The following RALYL variants were observed in gnomAD, a reference collection of about 807,000 sequenced individuals.
RALYL encodes the protein RALY RNA binding protein like.
A neutral mutation model predicts 35.1 loss-of-function variants in RALYL; 29 were observed. That is an observed-to-expected ratio of 0.83 (90% CI 0.61 to 1.13). The LOEUF is 1.13. RALYL is among the 50% of genes most tolerant of loss of function. The probability of loss-of-function intolerance (pLI) is 0.00; values close to 1 mark genes in which losing one functional copy is unlikely to be tolerated. For synonymous variants in RALYL, 120 were observed against 127.6 expected (o/e 0.94, Z 0.40); for missense variants, 359 against 360.4 (o/e 1.00, Z 0.03).
chr8:84,544,440 C>G (rs2060223348), intron 2 of RALYL, among the ~76,000 whole-genome samples: 1 of 151,642 alleles, frequency 6.6e-6, no homozygotes, highest in African/African-American at 2.4e-5. Context: ...TTTTATTTGT[C>G]TTTTCTTGTA....
At chr8:84,233,508 A>G (rs1179643114) in intron 1 of RALYL, among the ~76,000 whole-genome samples, 4 of 152,168 alleles carry the variant, frequency 2.6e-5, no homozygotes, top group Non-Finnish European at 5.9e-5. Context: ...GGTGCTGAGT[A>G]GACTTGGAAT....
chr8:84,276,935 T>C (rs185916675), intron 1 of RALYL, among the ~76,000 whole-genome samples: 1 of 152,358 alleles, frequency 6.6e-6, no homozygotes. Flanking sequence ...ATGTCAGGGA[T>C]AATCAAAAAA....
At chr8:84,271,968 G>A (rs1834388409) in intron 1 of RALYL, among the ~76,000 whole-genome samples, 1 of 152,036 alleles carries the variant, frequency 6.6e-6, no homozygotes, top group Admixed American at 6.6e-5. Context: ...TGAATTTTCT[G>A]GTAGTAAATT....
intron 1 of RALYL, among the ~76,000 whole-genome samples, chr8:84,219,766 A>T (rs1328558514): frequency 2.0e-5 from 3 of 152,054 alleles, no homozygotes; most frequent in African/African-American, 7.2e-5. Flanking sequence ...ACTGGGTCTA[A>T]CAGGATAGTA....
intron 1 of RALYL, among the ~76,000 whole-genome samples, chr8:84,253,688 T>A (rs1209387373): frequency 1.3e-5 from 2 of 152,170 alleles, no homozygotes; most frequent in African/African-American, 4.8e-5. Context: ...TCATCCTTTT[T>A]GGATCTTGTT....
intron 2 of RALYL, among the ~76,000 whole-genome samples, chr8:84,728,606 AG>A (rs1845483427): frequency 6.6e-6 from 1 of 152,114 alleles, no homozygotes; most frequent in Non-Finnish European, 1.5e-5. Flanking sequence ...TTATGGTTTT[AG>A]GTGTGAGGTT....
intron 1 of RALYL, among the ~76,000 whole-genome samples, chr8:84,291,457 G>A (rs1434381567): frequency 2.6e-5 from 4 of 152,050 alleles, no homozygotes; most frequent in East Asian, 3.9e-4. Flanking sequence ...TACAATATAT[G>A]TTGTCAATAA....
intron 1 of RALYL, among the ~76,000 whole-genome samples, chr8:84,321,473 T>C (rs1257388626): frequency 6.6e-6 from 1 of 152,084 alleles, no homozygotes; most frequent in East Asian, 1.9e-4. Flanking sequence ...TGCTAGAGCC[T>C]ATGGAATAAC....
intron 2 of RALYL, among the ~76,000 whole-genome samples, chr8:84,768,594 G>A (rs923454349): frequency 2.0e-5 from 3 of 152,262 alleles, no homozygotes; most frequent in African/African-American, 4.8e-5. Context: ...AGTTCAAAAC[G>A]CTATAAATTG....
intron 2 of RALYL, among the ~76,000 whole-genome samples, chr8:84,587,091 C>G (rs751758481): frequency 1.6e-4 from 24 of 152,176 alleles, no homozygotes; most frequent in Non-Finnish European, 3.1e-4. Context: ...CAGTTAAATA[C>G]AGCTAGAACA....
At chr8:84,755,065 G>C (rs938030521) in intron 2 of RALYL, among the ~76,000 whole-genome samples, 1 of 152,100 alleles carries the variant, frequency 6.6e-6, no homozygotes, top group African/African-American at 2.4e-5. Context: ...TGATGCTTAG[G>C]TGCTATGGAG....
intron 1 of RALYL, among the ~76,000 whole-genome samples, chr8:84,278,828 T>C (rs1488372408): frequency 2.0e-5 from 3 of 152,196 alleles, no homozygotes; most frequent in East Asian, 1.9e-4. Context: ...AACAAGTCTC[T>C]AGGAAGTTAC....
At chr8:84,555,548 C>T (rs774634796) in intron 2 of RALYL, among the ~76,000 whole-genome samples, 9 of 152,150 alleles carry the variant, frequency 5.9e-5, no homozygotes, top group Non-Finnish European at 1.3e-4. Flanking sequence ...CTTTCACTAA[C>T]TGGTACAACT....
At chr8:84,311,224 T>C (rs981604433) in intron 1 of RALYL, among the ~76,000 whole-genome samples, 7 of 151,626 alleles carry the variant, frequency 4.6e-5, no homozygotes, top group African/African-American at 1.5e-4. Flanking sequence ...AAAAGTCCCA[T>C]TGAATTCAGA....
chr8:84,706,698 A>G (rs1279237229), intron 2 of RALYL, among the ~76,000 whole-genome samples: 1 of 152,178 alleles, frequency 6.6e-6, no homozygotes, highest in Non-Finnish European at 1.5e-5. Flanking sequence ...ACCCTGGCGT[A>G]AAGTCCAGAA....
chr8:84,422,384 C>T (rs916274100), intron 1 of RALYL, among the ~76,000 whole-genome samples: 6 of 131,872 alleles, frequency 4.5e-5, no homozygotes, highest in African/African-American at 1.9e-4. Flanking sequence ...TCTGTGGGAT[C>T]GGTGGTGATA....
chr8:84,667,467 T>G (rs1396420621), intron 2 of RALYL, among the ~76,000 whole-genome samples: 1 of 152,150 alleles, frequency 6.6e-6, no homozygotes, highest in Non-Finnish European at 1.5e-5. Context: ...TCTGATTGAC[T>G]AGTTATGCTG....
intron 1 of RALYL, among the ~76,000 whole-genome samples, chr8:84,449,083 T>G (rs73688495): frequency 0.062 from 9,382 of 151,366 alleles, 301 homozygotes; most frequent in East Asian, 0.14. Flanking sequence ...TTTTTGTTTT[T>G]TTTTTTTTTT....
At chr8:84,191,281 T>C (rs1813816737) in intron 1 of RALYL, among the ~76,000 whole-genome samples, 1 of 151,914 alleles carries the variant, frequency 6.6e-6, no homozygotes, top group Admixed American at 6.6e-5. Context: ...TAAATTGATT[T>C]GAAATTTATA....
Sources: allele counts gnomAD v4.1 joint callset (sites outside exome capture counted in the v4.1 genomes callset), GRCh38; gene constraint gnomAD v4.1.1; transcripts MANE v1.5; gene names NCBI Gene and HGNC (gene_info 2026-07-23, HGNC 2026-07-21).